GAB1: variants seen among roughly 807,000 people sequenced by gnomAD.
The protein encoded by GAB1 is GRB2 associated binding protein 1, also known as GRB2-associated-binding protein 1.
GAB1 carries 19 observed loss-of-function variants against 66.5 expected under a neutral mutation model. The observed-to-expected ratio is 0.29, with a 90% CI of 0.20 to 0.42. GAB1 has a LOEUF of 0.42. Among genes scored for constraint, GAB1 ranks in the 10% least tolerant of loss-of-function variants. The probability of loss-of-function intolerance (pLI) is 1.00; values close to 1 mark genes in which losing one functional copy is unlikely to be tolerated. For synonymous variants in GAB1, 294 were observed against 301.4 expected (o/e 0.98, Z 0.25); for missense variants, 732 against 858.5 (o/e 0.85, Z 1.84).
intron 1 of GAB1, among the ~76,000 whole-genome samples, chr4:143,367,925 G>A (rs554520736): frequency 4.9e-4 from 74 of 151,780 alleles, no homozygotes; most frequent in African/African-American, 1.7e-3. Context: ...GAGTTTCACC[G>A]TGTTGCCCAG....
At chr4:143,411,292 T>A (rs891967699) in intron 1 of GAB1, among the ~76,000 whole-genome samples, 3 of 152,188 alleles carry the variant, frequency 2.0e-5, no homozygotes, top group Non-Finnish European at 4.4e-5. Flanking sequence ...CAGACTTAAC[T>A]GTTGACTTCT....
intron 1 of GAB1, among the ~76,000 whole-genome samples, chr4:143,378,536 C>T (rs1036526718): frequency 2.0e-5 from 3 of 152,026 alleles, no homozygotes; most frequent in African/African-American, 7.2e-5. Flanking sequence ...GGTCCTATTT[C>T]GCTCACAAAT....
At chr4:143,398,899 GAAAA>G (rs918730873) in intron 1 of GAB1, among the ~76,000 whole-genome samples, 4 of 150,268 alleles carry the variant, frequency 2.7e-5, no homozygotes, top group Non-Finnish European at 4.4e-5. Flanking sequence ...ATCTTTACAA[GAAAA>G]AAAAAGTAAG....
chr4:143,455,189 G>C (rs28925925), intron 6 of GAB1, among the ~76,000 whole-genome samples: 187 of 152,242 alleles, frequency 1.2e-3, no homozygotes, highest in African/African-American at 4.2e-3. Flanking sequence ...GATGCTTAAA[G>C]GGGATGGACT....
Position 143,349,854 on chromosome 4 carries a change from A to G in GAB1, c.72+12594A>G, listed in dbSNP as rs1729125735. The stretch of plus-strand genomic sequence containing the variant: ...TAATCTTCAAAACCTCATCCTTGAG[A>G]GAGGCCCCCAGGAAAAAGTCAATGA... On this transcript the variant is annotated intron_variant, in intron 1 of 9. Transcript: ENST00000262994. 26 of 1,583,132 alleles carry G rather than the reference A, an allele frequency of 1.6e-5. No homozygotes were observed. The South Asian group carries it at 2.7e-4, about 16-fold the overall frequency.
chr4:143,462,809 G>A (rs535669924), intron 8 of GAB1, among the ~76,000 whole-genome samples: 1 of 152,110 alleles, frequency 6.6e-6, no homozygotes, highest in South Asian at 2.1e-4. Context: ...TTACAGGTTT[G>A]CGCCACCACA....
chr4:143,378,635 C>G (rs1730519681), intron 1 of GAB1, among the ~76,000 whole-genome samples: 2 of 111,374 alleles, frequency 1.8e-5, no homozygotes, highest in South Asian at 5.9e-4. Flanking sequence ...AAGTGTCTCT[C>G]TCTCTCTCTC....
intron 1 of GAB1, among the ~76,000 whole-genome samples, chr4:143,379,740 C>G (rs1730576497): frequency 6.6e-6 from 1 of 152,008 alleles, no homozygotes; most frequent in Non-Finnish European, 1.5e-5. Flanking sequence ...GTGCACACCA[C>G]AGTGCCCGGC....
At chr4:143,363,181 G>A (rs552534475) in intron 1 of GAB1, among the ~76,000 whole-genome samples, 27 of 152,270 alleles carry the variant, frequency 1.8e-4, no homozygotes, top group African/African-American at 6.5e-4. Context: ...TTGTGAAAAA[G>A]CACAGATAAC....
In GAB1 at chr4:143,438,311, T is replaced by C. The variant is rs559567964; in HGVS notation, c.906T>C (p.His302=). 8 of 1,614,078 alleles carry C rather than the reference T, an allele frequency of 5.0e-6. No individual in the cohort carries two copies. Among genetic ancestry groups the C allele is most frequent in the Admixed American group, 3.3e-5 (2 of 60,012 alleles). Residue 302 remains histidine, a synonymous_variant, in exon 4 of 10, where the codon CAT becomes CAC. Coordinates refer to ENST00000262994, the MANE Select transcript of GAB1 (RefSeq NM_002039.4). ...CGAGTGTAGAGACTCAAATGAGGCA[T>C]GTATCTATTAGTTATGACATTCCTC... ...GTSSVETQMR[H]VSISYDIPPT...
At chr4:143,365,374 T>A (rs1469671889) in intron 1 of GAB1, among the ~76,000 whole-genome samples, 2 of 152,314 alleles carry the variant, frequency 1.3e-5, no homozygotes, top group African/African-American at 4.8e-5. Context: ...CCTATTAGAC[T>A]GTAAGATCCA....
chr4:143,373,868 A>AATAAATAT, intron 1 of GAB1, among the ~76,000 whole-genome samples: 3 of 93,668 alleles, frequency 3.2e-5, no homozygotes, highest in African/African-American at 9.3e-5. Flanking sequence ...TAAATAAATA[A>AATAAATAT]ATATATATAT....
At chr4:143,458,925 T>G (rs1425796642) in intron 6 of GAB1, among the ~76,000 whole-genome samples, 1 of 152,058 alleles carries the variant, frequency 6.6e-6, no homozygotes, top group Non-Finnish European at 1.5e-5. Flanking sequence ...TTTTAATAGT[T>G]TCTATGCATC....
At chr4:143,456,859 G>C (rs1735219853) in intron 6 of GAB1, among the ~76,000 whole-genome samples, 1 of 152,086 alleles carries the variant, frequency 6.6e-6, no homozygotes. Context: ...TTGCAGCTCT[G>C]GCATCCAGGC....
intron 6 of GAB1, among the ~76,000 whole-genome samples, chr4:143,441,547 C>T (rs1734231010): frequency 6.6e-6 from 1 of 152,168 alleles, no homozygotes; most frequent in Middle Eastern, 3.4e-3. Flanking sequence ...ATAACCTCCT[C>T]GTTTCAACAG....
intron 1 of GAB1, among the ~76,000 whole-genome samples, chr4:143,353,371 G>A (rs1234197252): frequency 1.3e-5 from 2 of 152,194 alleles, no homozygotes; most frequent in South Asian, 4.1e-4. Context: ...TTGTGTTTGT[G>A]TATGTGTGTG....
intron 1 of GAB1, among the ~76,000 whole-genome samples, chr4:143,400,011 T>A (rs575104695): frequency 6.6e-6 from 1 of 150,960 alleles, no homozygotes; most frequent in Admixed American, 6.6e-5. Context: ...CAATCTTGGC[T>A]CACTGCAACC....
chr4:143,418,155 A>T (rs1284182635), intron 2 of GAB1, among the ~76,000 whole-genome samples: 2 of 152,320 alleles, frequency 1.3e-5, no homozygotes, highest in Non-Finnish European at 2.9e-5. Flanking sequence ...AGAGGGAAGG[A>T]AGGGTCCAGC....
Position 143,469,234 on chromosome 4 carries a change from A to G in GAB1, c.*45A>G. The G allele has an allele frequency of 6.3e-7, 1 of 1,591,910 alleles. No homozygotes were observed. The highest frequency in any genetic ancestry group is 8.6e-7 in the Non-Finnish European group (1 of 1,163,176). On this transcript the variant is annotated 3_prime_UTR_variant, in exon 10 of 10. Transcript: ENST00000262994. ...CTGAACAAAAGAAAACTGAATTGTAAAGATAAATCCCTTTTGAAGAATGAC... is the reference window on the plus strand; with the variant it reads ...CTGAACAAAAGAAAACTGAATTGTAGAGATAAATCCCTTTTGAAGAATGAC...
Sources: allele counts gnomAD v4.1 joint callset (sites outside exome capture counted in the v4.1 genomes callset), GRCh38; gene constraint gnomAD v4.1.1; transcripts MANE v1.5; gene names NCBI Gene and HGNC (gene_info 2026-07-23, HGNC 2026-07-21).